CCDC192: variants seen among roughly 807,000 people sequenced by gnomAD.
The protein encoded by CCDC192 is coiled-coil domain-containing protein 192.
intron 5 of CCDC192, among the ~76,000 whole-genome samples, chr5:127,860,253 C>T (rs1263846781): frequency 6.6e-6 from 1 of 152,192 alleles, no homozygotes; most frequent in Non-Finnish European, 1.5e-5. Flanking sequence ...ATCTGGCTTA[C>T]AGTCTGGCAT....
chr5:127,773,231 A>T (rs970707961), intron 3 of CCDC192, among the ~76,000 whole-genome samples: 2 of 152,208 alleles, frequency 1.3e-5, no homozygotes, highest in Non-Finnish European at 1.5e-5. Flanking sequence ...TGTAATGCTA[A>T]CAATTTTCTA....
intron 5 of CCDC192, among the ~76,000 whole-genome samples, chr5:127,839,244 A>G (rs1428328958): frequency 1.3e-5 from 2 of 152,248 alleles, no homozygotes; most frequent in Admixed American, 1.3e-4. Context: ...CAACTCCACA[A>G]GAGGAAGTAG....
In CCDC192 at chr5:127,713,075, A is replaced by G. The variant is rs370553449; in HGVS notation, c.114+5315A>G. ...CATGGAGAAACGCTGTCTCTACTAA[A>G]AATACAAAATTAGCCGGGCATGGTG... is the stretch of plus-strand genomic sequence containing the variant. On this transcript the variant is annotated intron_variant, in intron 2 of 6. Transcript: ENST00000514853. Among the ~76,000 whole-genome samples, 20 of 152,206 alleles carry G rather than the reference A, an allele frequency of 1.3e-4. No homozygotes were observed. The South Asian group carries it at 2.1e-3, about 16-fold the overall frequency.
intron 3 of CCDC192, among the ~76,000 whole-genome samples, chr5:127,776,652 A>G (rs906672694): frequency 1.3e-5 from 2 of 152,204 alleles, no homozygotes; most frequent in African/African-American, 4.8e-5. Flanking sequence ...CATCACACGC[A>G]TGGAGGCCTG....
intron 2 of CCDC192, among the ~76,000 whole-genome samples, chr5:127,719,252 G>T (rs747528629): frequency 2.0e-5 from 3 of 151,812 alleles, no homozygotes; most frequent in Non-Finnish European, 2.9e-5. Context: ...TGGCTGACTA[G>T]TACACCATTG....
chr5:127,921,555 A>C (rs190507686), intron 6 of CCDC192, among the ~76,000 whole-genome samples: 1 of 152,268 alleles, frequency 6.6e-6, no homozygotes. Context: ...AAAATAGTCT[A>C]GAATAAATGC....
intron 2 of CCDC192, among the ~76,000 whole-genome samples, chr5:127,712,966 G>A (rs1361678449): frequency 6.6e-6 from 1 of 152,198 alleles, no homozygotes; most frequent in Non-Finnish European, 1.5e-5. Flanking sequence ...CGGGTACAGT[G>A]GCTCACGCCT....
At chr5:127,762,752 G>A (rs923093264) in intron 3 of CCDC192, among the ~76,000 whole-genome samples, 1 of 152,190 alleles carries the variant, frequency 6.6e-6, no homozygotes, top group African/African-American at 2.4e-5. Flanking sequence ...TGGCTCTGCT[G>A]TTAGGAGGAG....
intron 5 of CCDC192, among the ~76,000 whole-genome samples, chr5:127,846,649 T>C (rs1291445373): frequency 6.6e-6 from 1 of 151,824 alleles, no homozygotes; most frequent in African/African-American, 2.4e-5. Flanking sequence ...TTTGTATTTC[T>C]AGTAGAAACA....
intron 5 of CCDC192, among the ~76,000 whole-genome samples, chr5:127,864,937 G>A (rs1469845666): frequency 6.6e-6 from 1 of 152,166 alleles, no homozygotes; most frequent in Non-Finnish European, 1.5e-5. Flanking sequence ...CACGAGGTCA[G>A]GAGATTGAGG....
chr5:127,779,516 C>T (rs540494403), intron 3 of CCDC192, among the ~76,000 whole-genome samples: 20 of 152,032 alleles, frequency 1.3e-4, no homozygotes, highest in Non-Finnish European at 2.4e-4. Flanking sequence ...GGGACAGTCT[C>T]GATCTCCTGA....
intron 6 of CCDC192, among the ~76,000 whole-genome samples, chr5:127,922,406 T>C (rs1347036398): frequency 2.0e-5 from 3 of 152,238 alleles, no homozygotes; most frequent in African/African-American, 7.2e-5. Flanking sequence ...CTTTCATTTC[T>C]GTTATAAATC....
chr5:127,922,201 TTC>T (rs1325123219), intron 6 of CCDC192, among the ~76,000 whole-genome samples: 1 of 152,220 alleles, frequency 6.6e-6, no homozygotes, highest in Non-Finnish European at 1.5e-5. Context: ...AGTTGTGACT[TTC>T]CCTAGATTTT....
chr5:127,916,916 G>A (rs565634189), intron 6 of CCDC192, among the ~76,000 whole-genome samples: 1 of 152,158 alleles, frequency 6.6e-6, no homozygotes. Context: ...CCTGCCCTTT[G>A]AAGCCAGGCA....
intron 2 of CCDC192, among the ~76,000 whole-genome samples, chr5:127,741,207 C>T (rs1318361072): frequency 1.3e-5 from 2 of 151,958 alleles, no homozygotes; most frequent in Non-Finnish European, 2.9e-5. Context: ...ACTGCAGGCA[C>T]ACACCACCAC....
intron 3 of CCDC192, among the ~76,000 whole-genome samples, chr5:127,774,288 A>G (rs998185733): frequency 5.9e-5 from 9 of 152,014 alleles, no homozygotes; most frequent in Non-Finnish European, 1.3e-4. Context: ...TATTTTTAAC[A>G]TTTTTTGTGT....
At chr5:127,722,607 C>T (rs1197808075) in intron 2 of CCDC192, among the ~76,000 whole-genome samples, 1 of 152,044 alleles carries the variant, frequency 6.6e-6, no homozygotes, top group Non-Finnish European at 1.5e-5. Flanking sequence ...AGATTTAAGT[C>T]TTTCATCCAT....
chr5:127,849,054 AC>A (rs1021452144), intron 5 of CCDC192, among the ~76,000 whole-genome samples: 16 of 151,890 alleles, frequency 1.1e-4, no homozygotes, highest in Non-Finnish European at 2.4e-4. Flanking sequence ...ATGTAGTGAA[AC>A]CCCATCTCTA....
At chr5:127,784,059 A>T (rs183792128) in intron 3 of CCDC192, among the ~76,000 whole-genome samples, 1 of 152,272 alleles carries the variant, frequency 6.6e-6, no homozygotes, top group Non-Finnish European at 1.5e-5. Context: ...AAGGCAGAAG[A>T]TGGTTGGTGA....
Sources: allele counts gnomAD v4.1 joint callset (sites outside exome capture counted in the v4.1 genomes callset), GRCh38; gene constraint gnomAD v4.1.1; transcripts MANE v1.5; gene names NCBI Gene and HGNC (gene_info 2026-07-23, HGNC 2026-07-21).